Variants in CNTNAP2 observed in about 807,000 individuals in gnomAD.
The protein encoded by CNTNAP2 is contactin-associated protein-like 2.
Under a neutral mutation model 155.2 loss-of-function variants are expected in CNTNAP2, and 98 were observed. That is an observed-to-expected ratio of 0.63 (90% confidence interval 0.54 to 0.75). The LOEUF is 0.75. Ranked by LOEUF, CNTNAP2 falls within the 30% of genes least tolerant of loss-of-function variation. CNTNAP2 has a pLI of 0.00. For missense variants in CNTNAP2, 1,727 were observed against 1,688.1 expected, an observed-to-expected ratio of 1.02 and a Z score of -0.40; for synonymous variants, 651 against 631.2, an observed-to-expected ratio of 1.03 and a Z score of -0.47.
intron 1 of CNTNAP2, among the ~76,000 whole-genome samples, chr7:146,228,309 C>G (rs548678107): frequency 6.6e-6 from 1 of 152,276 alleles, no homozygotes; most frequent in African/African-American, 2.4e-5. Flanking sequence ...CACTAGTTGC[C>G]TAAATGAAAC....
intron 15 of CNTNAP2, among the ~76,000 whole-genome samples, chr7:147,999,731 G>A (rs73466116): frequency 0.017 from 2,557 of 151,874 alleles, 86 homozygotes; most frequent in African/African-American, 0.057. Context: ...AAGAGAAAGC[G>A]CACACACACA....
chr7:146,559,311 T>A (rs1798245760), intron 1 of CNTNAP2, among the ~76,000 whole-genome samples: 1 of 152,116 alleles, frequency 6.6e-6, no homozygotes, highest in South Asian at 2.1e-4. Context: ...GGCTCATGCC[T>A]GTAATCCCAG....
At chr7:146,141,494 A>G (rs1456183593) in intron 1 of CNTNAP2, among the ~76,000 whole-genome samples, 1 of 152,176 alleles carries the variant, frequency 6.6e-6, no homozygotes, top group Non-Finnish European at 1.5e-5. Flanking sequence ...AAACACTATA[A>G]GAAATATAGT....
chr7:146,467,836 C>T (rs1329518009), intron 1 of CNTNAP2, among the ~76,000 whole-genome samples: 1 of 151,962 alleles, frequency 6.6e-6, no homozygotes, highest in Non-Finnish European at 1.5e-5. Context: ...TAATGTCTTC[C>T]TGTTATTGAA....
intron 13 of CNTNAP2, among the ~76,000 whole-genome samples, chr7:147,781,809 G>C (rs1797665450): frequency 6.6e-6 from 1 of 152,038 alleles, no homozygotes. Context: ...GGATCACGAG[G>C]TCAGGAGATC....
intron 10 of CNTNAP2, among the ~76,000 whole-genome samples, chr7:147,442,887 C>T (rs987880454): frequency 5.9e-5 from 9 of 152,066 alleles, no homozygotes; most frequent in African/African-American, 1.7e-4. Context: ...AGAGGCAAAA[C>T]GAAATCTTCT....
At chr7:146,817,607 A>G (rs1803198759) in intron 2 of CNTNAP2, among the ~76,000 whole-genome samples, 1 of 152,174 alleles carries the variant, frequency 6.6e-6, no homozygotes, top group Non-Finnish European at 1.5e-5. Flanking sequence ...GACACTTACA[A>G]TCATGGAAGA....
intron 1 of CNTNAP2, among the ~76,000 whole-genome samples, chr7:146,395,771 TAGAC>T (rs1449826932): frequency 2.2e-5 from 2 of 89,098 alleles, no homozygotes; most frequent in East Asian, 3.0e-4. Context: ...ATGATCTAGA[TAGAC>T]AGATGATAGA....
chr7:148,123,641 A>AGAGC (rs2116617367), intron 16 of CNTNAP2, among the ~76,000 whole-genome samples: 2 of 82,460 alleles, frequency 2.4e-5, no homozygotes, highest in African/African-American at 9.7e-5. Context: ...AGCAGGAAGG[A>AGAGC]AGGAAGGAAG....
At chr7:148,389,536 A>G (rs1010344348) in intron 22 of CNTNAP2, 1 of 152,222 alleles carries the variant, frequency 6.6e-6, no homozygotes, top group Admixed American at 6.5e-5. Context: ...AAACAAACTA[A>G]TACACTAATA....
At chr7:148,090,829 A>T (rs961739340) in intron 15 of CNTNAP2, among the ~76,000 whole-genome samples, 1 of 152,158 alleles carries the variant, frequency 6.6e-6, no homozygotes, top group Non-Finnish European at 1.5e-5. Flanking sequence ...CACAATCGCT[A>T]AGATCTGGAC....
At chr7:148,369,344 GTGTGCCACTACACCTGGCTAATT>G (rs1257607228) in intron 21 of CNTNAP2, among the ~76,000 whole-genome samples, 1 of 151,320 alleles carries the variant, frequency 6.6e-6, no homozygotes, top group Admixed American at 6.6e-5. Context: ...AATTACAGGG[GTGTGCCACTACACCTGGCTAATT>G]TGTGCCACTA....
chr7:146,958,305 T>C (rs1208796791), intron 3 of CNTNAP2, among the ~76,000 whole-genome samples: 1 of 152,176 alleles, frequency 6.6e-6, no homozygotes, highest in African/African-American at 2.4e-5. Flanking sequence ...AACATACTTT[T>C]GTTCTCACAC....
intron 15 of CNTNAP2, among the ~76,000 whole-genome samples, chr7:148,066,661 C>A (rs1212736399): frequency 6.6e-6 from 1 of 151,940 alleles, no homozygotes; most frequent in African/African-American, 2.4e-5. Flanking sequence ...CCACACCCAG[C>A]TAATTTTTTT....
At chr7:146,533,109 A>C (rs1351570315) in intron 1 of CNTNAP2, among the ~76,000 whole-genome samples, 1 of 49,634 alleles carries the variant, frequency 2.0e-5, no homozygotes, top group Non-Finnish European at 3.4e-5. Flanking sequence ...CCCTGTCTCA[A>C]AAAAAAAAAA....
At chr7:148,342,856 A>G (rs976252686) in intron 21 of CNTNAP2, among the ~76,000 whole-genome samples, 1 of 152,240 alleles carries the variant, frequency 6.6e-6, no homozygotes, top group Non-Finnish European at 1.5e-5. Context: ...CACCTCTCCA[A>G]AGTAAATGTG....
At chr7:146,919,013 T>A (rs988517859) in intron 3 of CNTNAP2, among the ~76,000 whole-genome samples, 1 of 152,220 alleles carries the variant, frequency 6.6e-6, no homozygotes, top group Admixed American at 6.5e-5. Context: ...TCTAAGTGTG[T>A]CCTTCATTTC....
At chr7:146,656,939 A>T (rs1307102249) in intron 1 of CNTNAP2, among the ~76,000 whole-genome samples, 1 of 152,168 alleles carries the variant, frequency 6.6e-6, no homozygotes, top group East Asian at 1.9e-4. Context: ...TTTTTTGTAC[A>T]TTGAGATCCC....
chr7:147,477,871 G>A (rs114687279), intron 10 of CNTNAP2, among the ~76,000 whole-genome samples: 1,571 of 152,186 alleles, frequency 0.01, 33 homozygotes, highest in African/African-American at 0.035. Flanking sequence ...AATATAAGTC[G>A]AATGAACAAA....
Sources: gnomAD v4.1 joint callset for allele counts (sites outside exome capture counted in the v4.1 genomes callset) on GRCh38, gnomAD v4.1.1 for gene constraint, MANE v1.5 for transcripts, NCBI Gene and HGNC (gene_info 2026-07-23, HGNC 2026-07-21) for gene names.